The following LARGE1 variants were observed in gnomAD, a reference collection of about 807,000 sequenced individuals.
LARGE1 encodes the protein xylosyl- and glucuronyltransferase LARGE1.
A neutral mutation model predicts 87.6 loss-of-function variants in LARGE1; 43 were observed. That is an observed-to-expected ratio of 0.49 (90% CI 0.38 to 0.63). The LOEUF is 0.63. Ranked by LOEUF, LARGE1 falls within the 30% of genes least tolerant of loss-of-function variation. LARGE1 has a pLI of 0.00. For missense variants in LARGE1, 802 were observed against 1,000.2 expected (o/e 0.80, Z 2.67); for synonymous variants, 434 against 394.6 (o/e 1.10, Z -1.18).
intron 10 of LARGE1, among the ~76,000 whole-genome samples, chr22:33,318,585 C>T (rs976820723): frequency 6.5e-4 from 98 of 150,066 alleles, no homozygotes; most frequent in Middle Eastern, 3.4e-3. Flanking sequence ...CATCACACAC[C>T]GGGGCCTGTT....
At chr22:33,590,641 G>A (rs1602598966) in intron 5 of LARGE1, among the ~76,000 whole-genome samples, 1 of 152,238 alleles carries the variant, frequency 6.6e-6, no homozygotes, top group Admixed American at 6.5e-5. Flanking sequence ...CATTTACCAT[G>A]CAGTCTTTCG....
At chr22:33,078,631 C>T in the LARGE1 span, among the ~76,000 whole-genome samples, 1 of 152,184 alleles carries the variant, frequency 6.6e-6, no homozygotes, top group African/African-American at 2.4e-5. Flanking sequence ...TTGTATTGCC[C>T]TCTATGTACT....
At chr22:33,084,145 C>T in the LARGE1 span, among the ~76,000 whole-genome samples, 1 of 152,146 alleles carries the variant, frequency 6.6e-6, no homozygotes, top group Admixed American at 6.5e-5. Flanking sequence ...ATCTCTACTC[C>T]TCTTTTAAGA....
At chr22:33,608,699 G>T (rs983318406) in intron 4 of LARGE1, among the ~76,000 whole-genome samples, 3 of 152,180 alleles carry the variant, frequency 2.0e-5, no homozygotes, top group Non-Finnish European at 2.9e-5. Context: ...CAGCATAGGA[G>T]GGCAGAAACA....
At chr22:33,158,847 A>C (rs1227660253), downstream of LARGE1, among the ~76,000 whole-genome samples, 1 of 152,236 alleles carries the variant, frequency 6.6e-6, no homozygotes, top group Non-Finnish European at 1.5e-5. Flanking sequence ...GTGGAATTAG[A>C]AGTTAAATGT....
chr22:33,421,210 AAATCAATCAATCAATC>A (rs146615068), intron 7 of LARGE1, among the ~76,000 whole-genome samples: 8 of 141,576 alleles, frequency 5.7e-5, no homozygotes, highest in Admixed American at 1.4e-4. Flanking sequence ...AAATAAAATA[AAATCAATCAATCAATC>A]AATCAATCAA....
intron 9 of LARGE1, among the ~76,000 whole-genome samples, chr22:33,377,015 C>T (rs148608513): frequency 1.3e-5 from 2 of 152,200 alleles, no homozygotes; most frequent in Admixed American, 1.3e-4. Flanking sequence ...AGAGGTCCAT[C>T]CTGGCACTGA....
At chr22:33,083,986 C>A in the LARGE1 span, among the ~76,000 whole-genome samples, 1 of 152,176 alleles carries the variant, frequency 6.6e-6, no homozygotes. Context: ...TCAGCCTGAT[C>A]TCCAGCCATA....
chr22:33,273,797 CA>C lies in LARGE1; in HGVS notation c.*629del, dbSNP rs1369802182. The C allele has an allele frequency of 2.5e-6, 1 of 397,146 alleles. No individual in the cohort carries two copies. The highest frequency in any genetic ancestry group is 2.1e-5 in the African/African-American group (1 of 48,550). The allele number at this position is 397,146 out of a possible 1,614,324, so 24.6% of individuals were successfully genotyped here. ...TTGGATTGCCAGCCCCAAAAATAAA[CA>C]AAACCCCCAAAGAAAAACAAAACAA... On this transcript the variant is annotated 3_prime_UTR_variant, in exon 15 of 15. Coordinates refer to ENST00000397394, the MANE Select transcript of LARGE1 (RefSeq NM_133642.5).
At chr22:33,695,839 C>T (rs1284031251) in intron 2 of LARGE1, among the ~76,000 whole-genome samples, 1 of 152,166 alleles carries the variant, frequency 6.6e-6, no homozygotes, top group Non-Finnish European at 1.5e-5. Flanking sequence ...AGATGCAGAA[C>T]GTTCTGGAGT....
intron 11 of LARGE1, among the ~76,000 whole-genome samples, chr22:33,312,486 G>T (rs1248296128): frequency 7.0e-6 from 1 of 142,346 alleles, no homozygotes; most frequent in Non-Finnish European, 1.5e-5. Flanking sequence ...CAAAAACAAA[G>T]TGACAGGGCA....
chr22:33,667,844 G>A (rs891400700), intron 2 of LARGE1, among the ~76,000 whole-genome samples: 1 of 152,212 alleles, frequency 6.6e-6, no homozygotes, highest in Non-Finnish European at 1.5e-5. Flanking sequence ...GGACATGCCC[G>A]CTGTCTGAAA....
intron 12 of LARGE1, among the ~76,000 whole-genome samples, chr22:33,297,288 A>G (rs1757630038): frequency 6.6e-6 from 1 of 152,180 alleles, no homozygotes; most frequent in Non-Finnish European, 1.5e-5. Context: ...GTCAGAATAC[A>G]GTCTCTACCC....
At chr22:33,555,104 A>G (rs759809049) in intron 6 of LARGE1, among the ~76,000 whole-genome samples, 2 of 152,230 alleles carry the variant, frequency 1.3e-5, no homozygotes, top group African/African-American at 2.4e-5. Flanking sequence ...TCCCTAAACA[A>G]TACAGTCTAA....
intron 6 of LARGE1, among the ~76,000 whole-genome samples, chr22:33,470,901 C>A (rs1049092668): frequency 5.3e-5 from 8 of 152,164 alleles, no homozygotes; most frequent in African/African-American, 1.9e-4. Context: ...TCTCCCTGAG[C>A]CTCAGGTTAG....
intron 11 of LARGE1, among the ~76,000 whole-genome samples, chr22:33,224,835 A>G (rs1348481662): frequency 2.0e-5 from 3 of 152,242 alleles, no homozygotes; most frequent in Non-Finnish European, 4.4e-5. Context: ...CCCTGTCAGA[A>G]GAAGACAGAG....
At chr22:33,157,182 G>A in the LARGE1 span, among the ~76,000 whole-genome samples, 1 of 150,824 alleles carries the variant, frequency 6.6e-6, no homozygotes, top group Non-Finnish European at 1.5e-5. Context: ...AATTCATCAA[G>A]TGAGCTCAGA....
intron 6 of LARGE1, among the ~76,000 whole-genome samples, chr22:33,536,797 A>G (rs2077056401): frequency 6.6e-6 from 1 of 151,934 alleles, no homozygotes; most frequent in South Asian, 2.1e-4. Flanking sequence ...TTGAAAGGCC[A>G]TTTATTTTAT....
downstream of LARGE1, among the ~76,000 whole-genome samples, chr22:33,271,501 C>T (rs1928242285): frequency 6.6e-6 from 1 of 152,216 alleles, no homozygotes; most frequent in African/African-American, 2.4e-5. Flanking sequence ...CCCCTCCACA[C>T]TGACTGTTAA....
Sources: allele counts gnomAD v4.1 joint callset (sites outside exome capture counted in the v4.1 genomes callset), GRCh38; gene constraint gnomAD v4.1.1; transcripts MANE v1.5; gene names NCBI Gene and HGNC (gene_info 2026-07-23, HGNC 2026-07-21).